TENM3: variants seen among roughly 807,000 people sequenced by gnomAD.
The protein encoded by TENM3 is teneurin-3.
TENM3 carries 63 observed loss-of-function variants against 255.1 expected under a neutral mutation model. That is an observed-to-expected ratio of 0.25 (90% CI 0.20 to 0.30). TENM3 has a LOEUF of 0.30. Ranked by LOEUF, TENM3 falls within the 10% of genes least tolerant of loss-of-function variation. The pLI is 1.00. For synonymous variants in TENM3, 1,306 were observed against 1,322.3 expected (o/e 0.99, Z 0.27); for missense variants, 2,929 against 3,461.1 (o/e 0.85, Z 3.86).
the TENM3 span, among the ~76,000 whole-genome samples, chr4:181,520,406 C>A: frequency 2.6e-5 from 4 of 152,018 alleles, no homozygotes; most frequent in African/African-American, 7.3e-5. Context: ...TCATGGGGTA[C>A]CTGCGTGTGT....
chr4:181,562,964 C>T, the TENM3 span, among the ~76,000 whole-genome samples: 2 of 152,156 alleles, frequency 1.3e-5, no homozygotes, highest in African/African-American at 2.4e-5. Context: ...AGTGAGCCAC[C>T]GTGCCGGGCC....
the TENM3 span, among the ~76,000 whole-genome samples, chr4:181,726,145 A>G: frequency 2.0e-5 from 3 of 152,124 alleles, no homozygotes; most frequent in East Asian, 5.8e-4. Context: ...GAAATTAGCA[A>G]ATTTTATTTA....
At chr4:182,752,999 A>T (rs4269215) in intron 20 of TENM3, among the ~76,000 whole-genome samples, 62,761 of 141,888 alleles carry the variant, frequency 0.44, 13,911 homozygotes, top group East Asian at 0.71. Context: ...CAGGCTGGAG[A>T]GCAATGGTGC....
chr4:182,526,032 T>A (rs1739127639), intron 3 of TENM3, among the ~76,000 whole-genome samples: 1 of 152,144 alleles, frequency 6.6e-6, no homozygotes, highest in Non-Finnish European at 1.5e-5. Flanking sequence ...CAGGCTGGAG[T>A]GCAGTGGTGC....
Position 182,728,068 on chromosome 4 carries a change from C to G in TENM3, c.2369-897C>G, listed in dbSNP as rs1456925542. Among the ~76,000 whole-genome samples, 12 of 152,102 alleles carry G rather than the reference C, an allele frequency of 7.9e-5. No homozygotes were observed. The East Asian group carries it at 2.3e-3, about 29-fold the overall frequency. On this transcript the variant is annotated intron_variant, in intron 13 of 27. Transcript: ENST00000511685. ...TTCACCATGTTGGCCAGGCTGGTCT[C>G]GAACTCCTGACCTCAGGTGATATGC...
chr4:182,594,523 CTAAA>C (rs1746988449), intron 3 of TENM3, among the ~76,000 whole-genome samples: 2 of 152,118 alleles, frequency 1.3e-5, no homozygotes, highest in East Asian at 1.9e-4. Context: ...AGACCTGTCT[CTAAA>C]TAAATCAATA....
intron 3 of TENM3, among the ~76,000 whole-genome samples, chr4:182,360,036 TGA>T (rs1228580425): frequency 6.6e-6 from 1 of 152,184 alleles, no homozygotes; most frequent in African/African-American, 2.4e-5. Flanking sequence ...CGGTTTTGAG[TGA>T]GTTTCTTAAT....
At chr4:181,577,073 AATAATAT>A in the TENM3 span, among the ~76,000 whole-genome samples, 50 of 107,626 alleles carry the variant, frequency 4.6e-4, no homozygotes, top group East Asian at 1.6e-3. Context: ...ATTATATATA[AATAATAT>A]ATAATATATA....
chr4:182,756,037 G>C (rs2152756558), intron 22 of TENM3, among the ~76,000 whole-genome samples: 1 of 152,326 alleles, frequency 6.6e-6, no homozygotes, highest in Non-Finnish European at 1.5e-5. Context: ...CAAACCTTCT[G>C]AGAAGCATCC....
chr4:181,812,712 A>G, the TENM3 span, among the ~76,000 whole-genome samples: 1 of 152,152 alleles, frequency 6.6e-6, no homozygotes, highest in Non-Finnish European at 1.5e-5. Flanking sequence ...GAGTGGTCAC[A>G]TGAGAGGTTG....
intron 3 of TENM3, among the ~76,000 whole-genome samples, chr4:182,566,330 T>C (rs1560933612): frequency 6.6e-6 from 1 of 152,212 alleles, no homozygotes; most frequent in Admixed American, 6.5e-5. Context: ...GAGTTGTACA[T>C]CTGTATCAAA....
At chr4:181,605,560 A>AAGAGAGAG in the TENM3 span, among the ~76,000 whole-genome samples, 10 of 26,796 alleles carry the variant, frequency 3.7e-4, no homozygotes, top group Admixed American at 1.1e-3. Context: ...GAAAGAAAGA[A>AAGAGAGAG]AGAAAGAAAG....
chr4:181,641,554 GTATATATATATA>G, the TENM3 span, among the ~76,000 whole-genome samples: 391 of 26,918 alleles, frequency 0.015, 19 homozygotes, highest in African/African-American at 0.054. Context: ...TGGTGTGTGT[GTATATATATATA>G]TATATATATA....
chr4:181,765,956 G>A, the TENM3 span, among the ~76,000 whole-genome samples: 1 of 152,158 alleles, frequency 6.6e-6, no homozygotes, highest in Admixed American at 6.5e-5. Context: ...AAGCAGAAGA[G>A]GACAGGAAGT....
the TENM3 span, among the ~76,000 whole-genome samples, chr4:181,978,687 G>A: frequency 6.7e-6 from 1 of 149,094 alleles, no homozygotes; most frequent in Non-Finnish European, 1.5e-5. Flanking sequence ...AAAAACCAGA[G>A]CAAAAGAGAA....
the TENM3 span, among the ~76,000 whole-genome samples, chr4:181,775,889 A>G: frequency 2.0e-5 from 3 of 152,150 alleles, no homozygotes; most frequent in Admixed American, 6.5e-5. Flanking sequence ...TAGGATATCA[A>G]TCACTCGTGT....
intron 12 of TENM3, among the ~76,000 whole-genome samples, chr4:182,693,486 A>G (rs1430525903): frequency 5.3e-5 from 8 of 151,884 alleles, no homozygotes; most frequent in Non-Finnish European, 1.2e-4. Flanking sequence ...ACAGGCGCCC[A>G]CCACCACACC....
the TENM3 span, among the ~76,000 whole-genome samples, chr4:181,467,101 G>GTA: frequency 1.4e-5 from 1 of 71,222 alleles, no homozygotes; most frequent in African/African-American, 8.2e-5. Context: ...GTGTGTGTGT[G>GTA]TGTATATATA....
At position 182,792,542 on chromosome 4, in the gene TENM3, C is replaced by A. The variant is rs1365463084; in HGVS notation, c.5870C>A (p.Ser1957Ter). The A allele has an allele frequency of 6.2e-7, 1 of 1,614,006 alleles. No homozygotes were observed. Residue 1957 changes from serine (S) to a stop codon, truncating the protein, a stop_gained, in exon 26 of 28, where the codon TCA (serine) becomes TAA (stop). Transcript: ENST00000511685. LOFTEE classifies it high-confidence loss of function. This position sits in a 1 kb window ranked among gnomAD's most constrained non-coding sequence, Gnocchi z 6.3. ...AAATACAGAAGGCAGACTAGGCTCT[C>A]AGAAATTTTATATGATAGCACAAGA... ...LFKYRRQTRLSEILYDSTRVS... is the reference protein window; with the variant it reads ...LFKYRRQTRL
Sources: gnomAD v4.1 joint callset for allele counts (sites outside exome capture counted in the v4.1 genomes callset) on GRCh38, gnomAD v4.1.1 for gene constraint, Gnocchi (gnomAD v3.1) non-coding constraint, MANE v1.5 for transcripts, NCBI Gene and HGNC (gene_info 2026-07-23, HGNC 2026-07-21) for gene names.